Variants in SLC4A4 observed in about 807,000 individuals in gnomAD.
SLC4A4 encodes the protein electrogenic sodium bicarbonate cotransporter 1.
A neutral mutation model predicts 111.5 loss-of-function variants in SLC4A4; 27 were observed. The ratio of observed to expected loss-of-function variants is 0.24; its 90% CI spans 0.18 to 0.33. SLC4A4 has a LOEUF of 0.33. SLC4A4 is among the 10% of genes least tolerant of loss of function. The pLI is 1.00. For synonymous variants in SLC4A4, 443 were observed against 463.4 expected (o/e 0.96, Z 0.57); for missense variants, 909 against 1,315.5 (o/e 0.69, Z 4.78).
At position 71,454,171 on chromosome 4, in the gene SLC4A4, C is replaced by G. The variant is rs535822241; in HGVS notation, c.1497+502C>G. Among the ~76,000 whole-genome samples, 7 of 152,280 alleles carry G rather than the reference C, an allele frequency of 4.6e-5. No homozygotes were observed. In the South Asian group the frequency reaches 1.5e-3, roughly 32 times the overall value. On this transcript the variant is annotated intron_variant, in intron 12 of 25. Coordinates refer to ENST00000264485, the MANE Select transcript of SLC4A4 (RefSeq NM_001098484.3). ...AATGAATATAAGCTAACAGTTATAT[C>G]TCCTGCAGGTGGACCTGATTCTCAT...
chr4:71,562,382 G>A (rs1737066896), intron 23 of SLC4A4, among the ~76,000 whole-genome samples: 1 of 151,614 alleles, frequency 6.6e-6, no homozygotes, highest in Admixed American at 6.6e-5. Flanking sequence ...TAGGGTTTGG[G>A]GCCCATGGAT....
chr4:71,086,190 A>C (rs1742163441), intron 1 of SLC4A4, among the ~76,000 whole-genome samples: 1 of 151,514 alleles, frequency 6.6e-6, no homozygotes, highest in Admixed American at 6.6e-5. Flanking sequence ...TTCACTCATG[A>C]TTTGGCTCTC....
chr4:71,438,806 A>G (rs1452571232), intron 7 of SLC4A4, among the ~76,000 whole-genome samples: 2 of 152,174 alleles, frequency 1.3e-5, no homozygotes, highest in African/African-American at 2.4e-5. Context: ...AATTAAAATG[A>G]TATTTCTCTA....
At chr4:71,504,125 T>C (rs1731177822) in intron 16 of SLC4A4, among the ~76,000 whole-genome samples, 2 of 152,212 alleles carry the variant, frequency 1.3e-5, no homozygotes, top group South Asian at 2.1e-4. Flanking sequence ...AGTATTAATA[T>C]GCCTTGGAGA....
intron 6 of SLC4A4, among the ~76,000 whole-genome samples, chr4:71,363,408 C>A (rs572489934): frequency 6.6e-6 from 1 of 152,152 alleles, no homozygotes; most frequent in South Asian, 2.1e-4. Context: ...GTAGCTTTCT[C>A]GTTCCCTTTA....
upstream of SLC4A4, among the ~76,000 whole-genome samples, chr4:71,182,348 T>C (rs1745319844): frequency 6.6e-6 from 1 of 152,198 alleles, no homozygotes; most frequent in Non-Finnish European, 1.5e-5. Flanking sequence ...TGCAGTGTTT[T>C]CCGTGAAGAC....
At chr4:71,067,326 AT>A (rs1207432507) in intron 1 of SLC4A4, among the ~76,000 whole-genome samples, 1 of 152,212 alleles carries the variant, frequency 6.6e-6, no homozygotes, top group Non-Finnish European at 1.5e-5. Flanking sequence ...TAAAACCACA[AT>A]TAACCAAAGT....
chr4:71,437,349 A>G (rs1160479946), intron 7 of SLC4A4: 4 of 345,220 alleles, frequency 1.2e-5, no homozygotes, highest in Non-Finnish European at 1.7e-5. Flanking sequence ...AGAATACATA[A>G]GTTACAATAT....
At chr4:71,265,035 G>T (rs547746567) in intron 3 of SLC4A4, among the ~76,000 whole-genome samples, 1 of 152,146 alleles carries the variant, frequency 6.6e-6, no homozygotes, top group Non-Finnish European at 1.5e-5. Flanking sequence ...TTTGCTCTTC[G>T]TGAAACTGAC....
At chr4:71,369,785 A>G (rs1264472019) in intron 6 of SLC4A4, among the ~76,000 whole-genome samples, 1 of 152,212 alleles carries the variant, frequency 6.6e-6, no homozygotes, top group Admixed American at 6.5e-5. Context: ...AACTGAGTAT[A>G]TGTGATATAA....
At chr4:71,557,008 G>A (rs533894057) in intron 21 of SLC4A4, among the ~76,000 whole-genome samples, 27 of 152,022 alleles carry the variant, frequency 1.8e-4, no homozygotes, top group African/African-American at 6.3e-4. Context: ...TTGAAGCACA[G>A]CACCTGACAC....
At chr4:71,257,108 G>A (rs2016353) in intron 3 of SLC4A4, among the ~76,000 whole-genome samples, 22,425 of 152,148 alleles carry the variant, frequency 0.15, 1,981 homozygotes, top group East Asian at 0.37. Flanking sequence ...TGCTGAGACC[G>A]CATGTGTATC....
intron 1 of SLC4A4, among the ~76,000 whole-genome samples, chr4:71,200,640 T>C (rs1257740415): frequency 6.6e-6 from 1 of 152,172 alleles, no homozygotes; most frequent in Non-Finnish European, 1.5e-5. Context: ...AGTGGCATTA[T>C]TGACTGGCCA....
At chr4:71,508,552 G>T (rs1355461207) in intron 16 of SLC4A4, among the ~76,000 whole-genome samples, 1 of 152,090 alleles carries the variant, frequency 6.6e-6, no homozygotes, top group Non-Finnish European at 1.5e-5. Flanking sequence ...TCCCAAGACT[G>T]AACCAGGAGA....
At chr4:71,508,754 G>C (rs1001632452) in intron 16 of SLC4A4, among the ~76,000 whole-genome samples, 4 of 152,158 alleles carry the variant, frequency 2.6e-5, no homozygotes, top group African/African-American at 7.2e-5. Flanking sequence ...CTAATTGACT[G>C]TATGAGTCCA....
At chr4:71,431,318 G>A (rs867769373) in intron 7 of SLC4A4, among the ~76,000 whole-genome samples, 3 of 152,036 alleles carry the variant, frequency 2.0e-5, no homozygotes, top group South Asian at 2.1e-4. Flanking sequence ...TGTGTCCAGG[G>A]AAAGCCTCTC....
At chr4:71,519,341 A>T (rs1732713266) in intron 16 of SLC4A4, among the ~76,000 whole-genome samples, 1 of 152,240 alleles carries the variant, frequency 6.6e-6, no homozygotes, top group Admixed American at 6.5e-5. Context: ...GAGCCTAAGC[A>T]GGTAATTTCT....
At chr4:71,273,494 A>T (rs1387050611) in intron 3 of SLC4A4, among the ~76,000 whole-genome samples, 2 of 152,158 alleles carry the variant, frequency 1.3e-5, no homozygotes, top group African/African-American at 2.4e-5. Flanking sequence ...TTTGGTTCAT[A>T]GTTGGTTTCA....
intron 2 of SLC4A4, among the ~76,000 whole-genome samples, chr4:71,153,974 A>C (rs1744390663): frequency 6.6e-6 from 1 of 152,160 alleles, no homozygotes; most frequent in Non-Finnish European, 1.5e-5. Context: ...CAGTGAGGTG[A>C]ACAAAACAAT....
Sources: gnomAD v4.1 joint callset for allele counts (sites outside exome capture counted in the v4.1 genomes callset) on GRCh38, gnomAD v4.1.1 for gene constraint, MANE v1.5 for transcripts, NCBI Gene and HGNC (gene_info 2026-07-23, HGNC 2026-07-21) for gene names.